TLE1: variants seen among roughly 807,000 people sequenced by gnomAD.
TLE1 encodes the protein TLE family member 1, transcriptional corepressor.
Under a neutral mutation model 89.8 loss-of-function variants are expected in TLE1, and 21 were observed. The observed-to-expected ratio is 0.23, with a 90% confidence interval of 0.17 to 0.34. The LOEUF is 0.34. TLE1 is among the 10% of genes least tolerant of loss of function. The pLI is 1.00. For synonymous variants in TLE1, 447 were observed against 407.6 expected, an observed-to-expected ratio of 1.10 and a Z score of -1.16; for missense variants, 795 against 1,031.2, an observed-to-expected ratio of 0.77 and a Z score of 3.14.
At chr9:81,661,530 T>A (rs1479276842) in intron 4 of TLE1, among the ~76,000 whole-genome samples, 1 of 152,064 alleles carries the variant, frequency 6.6e-6, no homozygotes, top group Non-Finnish European at 1.5e-5. Context: ...AATTGATGGA[T>A]CATAAAAAAA....
chr9:81,650,197 T>A (rs905110568), intron 6 of TLE1, among the ~76,000 whole-genome samples: 1 of 152,244 alleles, frequency 6.6e-6, no homozygotes, highest in African/African-American at 2.4e-5. Flanking sequence ...AAAGATCTGC[T>A]ATTTTTATTC....
At chr9:81,662,361 T>TTTTTTTTGTGTGTGTGTG (rs1290826547) in intron 4 of TLE1, among the ~76,000 whole-genome samples, 1 of 138,360 alleles carries the variant, frequency 7.2e-6, no homozygotes. Flanking sequence ...TGTGCCTGTT[T>TTTTTTTTGTGTGTGTGTG]TGTGTGTGTG....
intron 4 of TLE1, among the ~76,000 whole-genome samples, chr9:81,684,211 C>T (rs745995521): frequency 1.3e-4 from 19 of 150,440 alleles, no homozygotes; most frequent in Non-Finnish European, 1.9e-4. Context: ...ACTTAAATGA[C>T]GATAGATGTT....
At chr9:81,597,557 T>C (rs1180695580) in intron 14 of TLE1, among the ~76,000 whole-genome samples, 1 of 152,184 alleles carries the variant, frequency 6.6e-6, no homozygotes, top group Non-Finnish European at 1.5e-5. Flanking sequence ...CAGTCAGTCC[T>C]GGATCCCTCC....
intron 6 of TLE1, among the ~76,000 whole-genome samples, chr9:81,639,588 GTT>G (rs374444332): frequency 2.4e-5 from 3 of 123,454 alleles, no homozygotes; most frequent in Admixed American, 9.0e-5. Flanking sequence ...TTTTTTTTTT[GTT>G]TTTTTTTTTT....
In TLE1 at chr9:81,685,724, TAA is replaced by T; in HGVS notation, c.190-6_190-5del. On this transcript the variant is annotated splice_polypyrimidine_tract_variant and splice_region_variant and intron_variant, in intron 3 of 19. Transcript: ENST00000376499. ...ATCCATATGACATTTCATAATACTGTAAAGAGAAAAAAGAATCAAGCATTTCA... is the reference window on the plus strand; with the variant it reads ...ATCCATATGACATTTCATAATACTGTAGAGAAAAAAGAATCAAGCATTTCA... 1 of 1,613,234 alleles carries T rather than the reference TAA, an allele frequency of 6.2e-7. No homozygotes were observed. The highest frequency in any genetic ancestry group is 8.5e-7 in the Non-Finnish European group (1 of 1,179,482).
chr9:81,620,391 A>T, intron 9 of TLE1, 50 bp downstream of exon 9: 1 of 1,352,600 alleles, frequency 7.4e-7, no homozygotes, highest in Non-Finnish European at 1.1e-6. Flanking sequence ...TTGGATACTC[A>T]GGTGAGCAGT....
chr9:81,678,014 T>A (rs1215107892), intron 4 of TLE1, among the ~76,000 whole-genome samples: 1 of 152,234 alleles, frequency 6.6e-6, no homozygotes, highest in Non-Finnish European at 1.5e-5. Flanking sequence ...CCAAAGTGAC[T>A]TGTATCCTAC....
chr9:81,587,907 CGTGTGTGTGT>C lies in TLE1; in HGVS notation c.1830-89_1830-80del, dbSNP rs71496083. The C allele has an allele frequency of 2.5e-5, 19 of 753,924 alleles. 1 individual carries two copies. The highest frequency in any genetic ancestry group is 1.6e-4 in the East Asian group (5 of 31,530). 46.7% of individuals were successfully genotyped at this position (753,924 alleles called of 1,614,324 possible). ...CACTGTTGTGTTGTTAGTTTTGGAC[CGTGTGTGTGT>C]GTGTGTGTGTGTGTGTGTGTGTGTG... is the stretch of plus-strand genomic sequence containing the variant. On this transcript the variant is annotated intron_variant, in intron 16 of 19. Coordinates refer to ENST00000376499, the MANE Select transcript of TLE1 (RefSeq NM_005077.5).
At chr9:81,610,549 T>C (rs1335282264) in intron 13 of TLE1, among the ~76,000 whole-genome samples, 3 of 152,160 alleles carry the variant, frequency 2.0e-5, no homozygotes, top group Admixed American at 6.5e-5. Flanking sequence ...CACTTCCCCA[T>C]GGTAAATACT....
intron 4 of TLE1, among the ~76,000 whole-genome samples, chr9:81,654,844 A>T (rs1382523320): frequency 3.3e-5 from 5 of 152,164 alleles, no homozygotes; most frequent in African/African-American, 1.2e-4. Flanking sequence ...CTGAAAAAGG[A>T]TTTTATTGTT....
chr9:81,669,322 A>G (rs943102715), intron 4 of TLE1, among the ~76,000 whole-genome samples: 3 of 152,354 alleles, frequency 2.0e-5, no homozygotes, highest in East Asian at 1.9e-4. Context: ...ACATGTGGAT[A>G]AAAAGCCCTC....
At chr9:81,629,128 A>G (rs1405563907) in intron 8 of TLE1, among the ~76,000 whole-genome samples, 2 of 152,216 alleles carry the variant, frequency 1.3e-5, no homozygotes, top group East Asian at 3.8e-4. Context: ...CACCTCAAAC[A>G]GTACTCGGGC....
chr9:81,620,266 C>A (rs1335118623), intron 9 of TLE1, among the ~76,000 whole-genome samples, 175 bp downstream of exon 9: 1 of 152,096 alleles, frequency 6.6e-6, no homozygotes, highest in African/African-American at 2.4e-5. Context: ...CTGAGCCCGG[C>A]AGAAGCATAA....
intron 15 of TLE1, 49 bp downstream of exon 15, chr9:81,592,976 G>C (rs765641074): frequency 1.3e-6 from 2 of 1,582,374 alleles, no homozygotes; most frequent in African/African-American, 2.7e-5. Context: ...TTTCCTTATT[G>C]AATCTCCAGG....
chr9:81,597,394 A>G (rs1830366073), intron 14 of TLE1, among the ~76,000 whole-genome samples: 1 of 152,324 alleles, frequency 6.6e-6, no homozygotes, highest in Admixed American at 6.5e-5. Flanking sequence ...GGATCAGGAA[A>G]GCACAAGGGC....
chr9:81,682,956 C>CTTATCA, intron 4 of TLE1, among the ~76,000 whole-genome samples: 1 of 152,346 alleles, frequency 6.6e-6, no homozygotes, highest in East Asian at 1.9e-4. Flanking sequence ...AAAGGCAAGG[C>CTTATCA]TTATCAGGAA....
chr9:81,635,127 A>G (rs1827205045), intron 6 of TLE1, among the ~76,000 whole-genome samples: 1 of 152,204 alleles, frequency 6.6e-6, no homozygotes, highest in South Asian at 2.1e-4. Context: ...GCTGTTTACC[A>G]TGCTGCCACA....
chr9:81,682,693 C>G (rs1435398735), intron 4 of TLE1, among the ~76,000 whole-genome samples: 1 of 152,146 alleles, frequency 6.6e-6, no homozygotes, highest in East Asian at 1.9e-4. Flanking sequence ...CATCAACTTG[C>G]TGTTTTTTAA....
Sources: gnomAD v4.1 joint callset for allele counts (sites outside exome capture counted in the v4.1 genomes callset) on GRCh38, gnomAD v4.1.1 for gene constraint, MANE v1.5 for transcripts, NCBI Gene and HGNC (gene_info 2026-07-23, HGNC 2026-07-21) for gene names.